Variants in PDHA2 observed in about 807,000 individuals in gnomAD.
PDHA2 encodes pyruvate dehydrogenase E1 component subunit alpha, testis-specific form, mitochondrial.
For synonymous variants in PDHA2, 188 were observed against 185.9 expected (o/e 1.01, Z -0.09); for missense variants, 533 against 495.8 (o/e 1.07, Z -0.71).
rs1177524375 is a variant in PDHA2 at position 95,840,895 on chromosome 4, G to C, written c.745G>C (p.Gly249Arg). 3.7e-6 allele frequency: 6 copies of C among 1,613,976 alleles called. No homozygotes were observed. Among genetic ancestry groups the C allele is most frequent in the Non-Finnish European group, 5.1e-6 (6 of 1,180,036 alleles). The change falls in exon 1 of 1, where the codon GGG becomes CGG. Residue 249 changes from glycine to arginine, a missense_variant. Coordinates refer to ENST00000295266, the MANE Select transcript of PDHA2 (RefSeq NM_005390.5). ...DYYKRGNFIP[G>R]LKVDGMDVLC... The stretch of plus-strand genomic sequence containing the variant: ...CTACAAGAGGGGCAATTTTATCCCT[G>C]GGCTAAAGGTCGATGGAATGGATGT...
Position 95,841,174 on chromosome 4 carries a change from A to G in PDHA2, c.1024A>G (p.Lys342Glu). 1.2e-6 allele frequency: 2 copies of G among 1,614,202 alleles called. No homozygotes were observed. The highest frequency in any genetic ancestry group is 1.7e-6 in the Non-Finnish European group (2 of 1,180,042). ...AAAGGAAATTGGGGCTGAGGTGAGG[A>G]AAGAAATTGATGATGCTGCCCAGTT... is the stretch of plus-strand genomic sequence containing the variant. ...ELKEIGAEVR[K>E]EIDDAAQFAT... The change falls in exon 1 of 1, where the codon AAA becomes GAA. Residue 342 changes from lysine (K) to glutamate (E), a missense_variant. Lys to Glu is a moderately conservative substitution (Grantham distance 56). Transcript: ENST00000295266.
In PDHA2 at chr4:95,840,215, T is replaced by C; in HGVS notation, c.65T>C (p.Leu22Pro). The change falls in exon 1 of 1, where the codon CTG becomes CCG. Residue 22 changes from leucine to proline, a missense_variant. By Grantham distance (98) the Leu-to-Pro change is moderately conservative. Coordinates refer to ENST00000295266, the MANE Select transcript of PDHA2 (RefSeq NM_005390.5). ...GCCCAGAAATCAGCTCGCAGAGTGC[T>C]GGTGGCATCCCGTAACTCCTCAAAT... ...RVAQKSARRV[L>P]VASRNSSNDA... 2 of 1,614,154 alleles carry C rather than the reference T, an allele frequency of 1.2e-6. No homozygotes were observed. The highest frequency in any genetic ancestry group is 1.7e-6 in the Non-Finnish European group (2 of 1,180,030).
chr4:95,840,820 C>A lies in PDHA2; in HGVS notation c.670C>A (p.Leu224Ile). The A allele has an allele frequency of 6.2e-7, 1 of 1,614,122 alleles. No homozygotes were observed. Among genetic ancestry groups the A allele is most frequent in the Middle Eastern group, 1.7e-4 (1 of 6,060 alleles). The change falls in exon 1 of 1, where the codon CTA (leucine) becomes ATA (isoleucine). Residue 224 changes from leucine to isoleucine, a missense_variant. Coordinates refer to ENST00000295266, the MANE Select transcript of PDHA2 (RefSeq NM_005390.5). ...LPCVFICENN[L>I]YGMGTSTERA... ...TTGTGTTTTCATCTGTGAGAATAACCTATATGGAATGGGAACATCTACTGA... is the reference window on the plus strand; with the variant it reads ...TTGTGTTTTCATCTGTGAGAATAACATATATGGAATGGGAACATCTACTGA...
rs909507444 is a variant in PDHA2 at position 95,840,657 on chromosome 4, C to T, written c.507C>T (p.Gly169=). The change falls in exon 1 of 1, where the codon GGC becomes GGT. Residue 169 remains glycine (G), a synonymous_variant. Transcript: ENST00000295266. The stretch of plus-strand genomic sequence containing the variant: ...GCAATGGCATCGTCGGTGCACAGGG[C>T]CCCCTGGGCGCTGGCATTGCTCTGG... ...YGGNGIVGAQ[G]PLGAGIALAC... is the part of the protein sequence containing the mutation. 3.7e-6 allele frequency: 6 copies of T among 1,614,004 alleles called. No homozygotes were observed. The Admixed American group carries it at 5.0e-5, about 13-fold the overall frequency.
chr4:95,841,162 G>A lies in PDHA2; in HGVS notation c.1012G>A (p.Ala338Thr), dbSNP rs1410000162. The A allele has an allele frequency of 1.2e-6, 2 of 1,614,132 alleles. No individual in the cohort carries two copies. The highest frequency in any genetic ancestry group is 1.7e-6 in the Non-Finnish European group (2 of 1,179,976). ...ATVEELKEIG[A>T]EVRKEIDDAA... is the part of the protein sequence containing the mutation. ...TGTGGAAGAATTAAAGGAAATTGGG[G>A]CTGAGGTGAGGAAAGAAATTGATGA... The change falls in exon 1 of 1, where the codon GCT becomes ACT. Residue 338 changes from alanine (A) to threonine (T), a missense_variant. Transcript: ENST00000295266.
In PDHA2 at chr4:95,840,481, C is replaced by G. The variant is rs2110117202; in HGVS notation, c.331C>G (p.His111Asp). The change falls in exon 1 of 1, where the codon CAC becomes GAC. Residue 111 changes from histidine to aspartate, a missense_variant. Transcript: ENST00000295266. ...GLEAGINPSD[H>D]VITSYRAHGV... ...TGAGGCCGGCATAAACCCCTCGGAT[C>G]ACGTCATTACATCCTATAGGGCTCA... 1 of 1,614,198 alleles carries G rather than the reference C, an allele frequency of 6.2e-7. No individual in the cohort carries two copies. The highest frequency in any genetic ancestry group is 8.5e-7 in the Non-Finnish European group (1 of 1,180,052).
rs772281018 is a variant in PDHA2, at chr4:95,840,958, T to C, written c.808T>C (p.Tyr270His). 3.1e-6 allele frequency: 5 copies of C among 1,613,964 alleles called. No individual in the cohort carries two copies. Among genetic ancestry groups the C allele is most frequent in the Middle Eastern group, 1.6e-4 (1 of 6,084 alleles). ...VREATKFAAN[Y>H]CRSGKGPILM... ...TGAGGCAACAAAATTTGCAGCTAAC[T>C]ACTGTAGATCTGGAAAGGGGCCCAT... The change falls in exon 1 of 1, where the codon TAC becomes CAC. Residue 270 changes from tyrosine (Y) to histidine (H), a missense_variant. Coordinates refer to ENST00000295266, the MANE Select transcript of PDHA2 (RefSeq NM_005390.5).
In PDHA2 at chr4:95,841,274, T is replaced by C; in HGVS notation, c.1124T>C (p.Val375Ala). 6.2e-7 allele frequency: 1 copy of C among 1,614,112 alleles called. No homozygotes were observed. The highest frequency in any genetic ancestry group is 2.2e-5 in the East Asian group (1 of 44,866). Reference protein sequence around the residue: ...HIYSSDSSFEVRGANPWIKFK... With the variant: ...HIYSSDSSFEARGANPWIKFK... ...TACAGCAGTGATTCATCTTTTGAAG[T>C]TCGTGGTGCAAATCCATGGATCAAG... The change falls in exon 1 of 1, where the codon GTT (valine) becomes GCT (alanine). Residue 375 changes from valine to alanine, a missense_variant. By Grantham distance (64) the Val-to-Ala change is moderately conservative. Transcript: ENST00000295266.
At position 95,840,467 on chromosome 4, in the gene PDHA2, T is replaced by G; in HGVS notation, c.317T>G (p.Ile106Arg). 6.2e-7 allele frequency: 1 copy of G among 1,614,166 alleles called. No homozygotes were observed. The highest frequency in any genetic ancestry group is 8.5e-7 in the Non-Finnish European group (1 of 1,180,022). ...EACCVGLEAG[I>R]NPSDHVITSY... Reference sequence around the variant, plus strand: ...TGTTGCGTGGGCCTTGAGGCCGGCATAAACCCCTCGGATCACGTCATTACA... The same window carrying G: ...TGTTGCGTGGGCCTTGAGGCCGGCAGAAACCCCTCGGATCACGTCATTACA... Residue 106 changes from isoleucine to arginine, a missense_variant, in exon 1 of 1, where the codon ATA becomes AGA. Transcript: ENST00000295266.
rs201543113 is a variant in PDHA2, at chr4:95,840,187, G to A, written c.37G>A (p.Val13Ile). ...CTTCATCTCCCGCGTGTTGAGGCGA[G>A]TTGCCCAGAAATCAGCTCGCAGAGT... ...AAFISRVLRR[V>I]AQKSARRVLV... The change falls in exon 1 of 1, where the codon GTT (valine) becomes ATT (isoleucine). Residue 13 changes from valine (V) to isoleucine (I), a missense_variant. Coordinates refer to ENST00000295266, the MANE Select transcript of PDHA2 (RefSeq NM_005390.5). The A allele has an allele frequency of 1.8e-5, 29 of 1,613,928 alleles. No individual in the cohort carries two copies. In the South Asian group the frequency reaches 2.1e-4, roughly 12 times the overall value.
Position 95,841,365 on chromosome 4 carries a change from A to T in PDHA2, c.*48A>T. The stretch of plus-strand genomic sequence containing the variant: ...TCATCAGTCTCTCAATGGAATGTTC[A>T]TGGTCAAATTTAAGAAACTGTGTTC... On this transcript the variant is annotated 3_prime_UTR_variant, in exon 1 of 1. Transcript: ENST00000295266. The T allele has an allele frequency of 6.9e-7, 1 of 1,442,366 alleles. No homozygotes were observed. The allele number at this position is 1,442,366 out of a possible 1,614,324, so 89.3% of individuals were successfully genotyped here. A position where few individuals can be genotyped will look rare whatever the true frequency, so the allele number is the denominator to read the frequency against.
chr4:95,840,889 A>C lies in PDHA2; in HGVS notation c.739A>C (p.Ile247Leu), dbSNP rs775995213. ...SPDYYKRGNF[I>L]PGLKVDGMDV... is the part of the protein sequence containing the mutation. Reference sequence around the variant, plus strand: ...TGATTACTACAAGAGGGGCAATTTTATCCCTGGGCTAAAGGTCGATGGAAT... The same window carrying C: ...TGATTACTACAAGAGGGGCAATTTTCTCCCTGGGCTAAAGGTCGATGGAAT... Residue 247 changes from isoleucine (I) to leucine (L), a missense_variant, in exon 1 of 1, where the codon ATC becomes CTC. By Grantham distance (5) the Ile-to-Leu change is conservative (BLOSUM62 2). Transcript: ENST00000295266. 1.9e-6 allele frequency: 3 copies of C among 1,614,012 alleles called. No individual in the cohort carries two copies. In the East Asian group the frequency reaches 6.7e-5, roughly 36 times the overall value.
At position 95,840,958 on chromosome 4, in the gene PDHA2, T is replaced by A. The variant is rs772281018; in HGVS notation, c.808T>A (p.Tyr270Asn). 1 of 1,613,964 alleles carries A rather than the reference T, an allele frequency of 6.2e-7. No homozygotes were observed. The highest frequency in any genetic ancestry group is 1.3e-5 in the African/African-American group (1 of 74,890). ...VREATKFAAN[Y>N]CRSGKGPILM... ...TGAGGCAACAAAATTTGCAGCTAAC[T>A]ACTGTAGATCTGGAAAGGGGCCCAT... Residue 270 changes from tyrosine (Y) to asparagine (N), a missense_variant, in exon 1 of 1, where the codon TAC (tyrosine) becomes AAC (asparagine). Physicochemically the swap from Tyr to Asn is moderately radical, Grantham distance 143. Coordinates refer to ENST00000295266, the MANE Select transcript of PDHA2 (RefSeq NM_005390.5).
chr4:95,840,979 C>A lies in PDHA2; in HGVS notation c.829C>A (p.Pro277Thr), dbSNP rs1262774644. The part of the protein sequence containing the change: ...AANYCRSGKG[P>T]ILMELQTYRY... ...TAACTACTGTAGATCTGGAAAGGGG[C>A]CCATACTGATGGAGCTGCAAACCTA... Residue 277 changes from proline to threonine, a missense_variant, in exon 1 of 1, where the codon CCC becomes ACC. Transcript: ENST00000295266. The A allele has an allele frequency of 6.2e-7, 1 of 1,613,970 alleles. No homozygotes were observed. The highest frequency in any genetic ancestry group is 1.7e-5 in the Admixed American group (1 of 60,010).
In PDHA2 at chr4:95,841,325, C is replaced by A. The variant is rs377377746; in HGVS notation, c.*8C>A. 2.5e-6 allele frequency: 4 copies of A among 1,604,924 alleles called. No homozygotes were observed. In the African/African-American group the frequency reaches 5.4e-5, roughly 21 times the overall value. On this transcript the variant is annotated 3_prime_UTR_variant, in exon 1 of 1. Transcript: ENST00000295266. ...TTTAAGTCCGTCAGTTAAAGGGAGG[C>A]TACGTGTGAATTTATCATCAGTCTC...
In PDHA2 at chr4:95,841,201, G is replaced by T. The variant is rs774276941; in HGVS notation, c.1051G>T (p.Ala351Ser). Residue 351 changes from alanine to serine, a missense_variant, in exon 1 of 1, where the codon GCT (alanine) becomes TCT (serine). By Grantham distance (99) the Ala-to-Ser change is moderately conservative. Transcript: ENST00000295266. Reference sequence around the variant, plus strand: ...AGAAATTGATGATGCTGCCCAGTTTGCTACCACTGATCCTGAGCCACATTT... The same window carrying T: ...AGAAATTGATGATGCTGCCCAGTTTTCTACCACTGATCCTGAGCCACATTT... Reference protein sequence around the residue: ...RKEIDDAAQFATTDPEPHLEE... With the variant: ...RKEIDDAAQFSTTDPEPHLEE... The T allele has an allele frequency of 5.0e-6, 8 of 1,614,190 alleles. No individual in the cohort carries two copies. The South Asian group carries it at 8.8e-5, about 18-fold the overall frequency.
In PDHA2 at chr4:95,840,894, T is replaced by C. The variant is rs769012635; in HGVS notation, c.744T>C (p.Pro248=). The C allele has an allele frequency of 1.2e-6, 2 of 1,613,988 alleles. No homozygotes were observed. The highest frequency in any genetic ancestry group is 1.7e-6 in the Non-Finnish European group (2 of 1,180,018). ...PDYYKRGNFI[P]GLKVDGMDVL... is the part of the protein sequence containing the mutation. ...ACTACAAGAGGGGCAATTTTATCCC[T>C]GGGCTAAAGGTCGATGGAATGGATG... The change falls in exon 1 of 1, where the codon CCT becomes CCC. Residue 248 remains proline (P), a synonymous_variant. Transcript: ENST00000295266.
Position 95,841,243 on chromosome 4 carries a change from C to A in PDHA2, c.1093C>A (p.His365Asn), listed in dbSNP as rs1409869825. Residue 365 changes from histidine (H) to asparagine (N), a missense_variant, in exon 1 of 1, where the codon CAC becomes AAC. Physicochemically the swap from His to Asn is moderately conservative, Grantham distance 68. Transcript: ENST00000295266. ...PEPHLEELGH[H>N]IYSSDSSFEV... Reference sequence around the variant, plus strand: ...GCCACATTTGGAAGAATTAGGCCATCACATCTACAGCAGTGATTCATCTTT... The same window carrying A: ...GCCACATTTGGAAGAATTAGGCCATAACATCTACAGCAGTGATTCATCTTT... 6.2e-7 allele frequency: 1 copy of A among 1,614,118 alleles called. No individual in the cohort carries two copies. The highest frequency in any genetic ancestry group is 1.7e-5 in the Admixed American group (1 of 60,020).
Position 95,840,711 on chromosome 4 carries a change from C to T in PDHA2, c.561C>T (p.Ile187=). 6.2e-7 allele frequency: 1 copy of T among 1,614,166 alleles called. No homozygotes were observed. Among genetic ancestry groups the T allele is most frequent in the South Asian group, 1.1e-5 (1 of 91,082 alleles). ...GTAAATATAAAGGAAACGATGAGAT[C>T]TGTTTGACTTTATATGGGGATGGCG... ...LACKYKGNDE[I]CLTLYGDGAA... is the part of the protein sequence containing the mutation. Residue 187 remains isoleucine (I), a synonymous_variant, in exon 1 of 1, where the codon ATC becomes ATT. Coordinates refer to ENST00000295266, the MANE Select transcript of PDHA2 (RefSeq NM_005390.5).
Sources: allele counts gnomAD v4.1 joint callset, GRCh38; gene constraint gnomAD v4.1.1; transcripts MANE v1.5; gene names NCBI Gene and HGNC (gene_info 2026-07-23, HGNC 2026-07-21).